Variants in NTNG1 observed in about 807,000 individuals in gnomAD.
NTNG1 encodes the protein netrin-G1.
A neutral mutation model predicts 54.0 loss-of-function variants in NTNG1; 16 were observed. The observed-to-expected ratio is 0.30, with a 90% CI of 0.20 to 0.45. The LOEUF (loss-of-function observed/expected upper bound fraction) is 0.45, where lower values mean the gene tolerates loss of function less well. Ranked by LOEUF, NTNG1 falls within the 20% of genes least tolerant of loss-of-function variation. The pLI is 1.00. For missense variants in NTNG1, 530 were observed against 678.7 expected (o/e 0.78, Z 2.43); for synonymous variants, 255 against 263.1 (o/e 0.97, Z 0.30).
At chr1:107,416,821 CCACTT>C (rs1674237710) in intron 5 of NTNG1, among the ~76,000 whole-genome samples, 1 of 152,106 alleles carries the variant, frequency 6.6e-6, no homozygotes, top group Non-Finnish European at 1.5e-5. Context: ...AACATCACCT[CCACTT>C]AAGACCTATA....
intron 3 of NTNG1, among the ~76,000 whole-genome samples, chr1:107,383,955 TAAC>T (rs2101043263): frequency 6.6e-6 from 1 of 152,360 alleles, no homozygotes; most frequent in African/African-American, 2.4e-5. Context: ...AGTTTTAATT[TAAC>T]AAGCCTTTTG....
chr1:107,272,113 G>A (rs527407126), intron 2 of NTNG1, among the ~76,000 whole-genome samples: 7 of 152,140 alleles, frequency 4.6e-5, no homozygotes, highest in East Asian at 3.9e-4. Context: ...AATATTTATC[G>A]AGCACCTCGT....
At chr1:107,438,786 A>G (rs1176676869) in intron 7 of NTNG1, among the ~76,000 whole-genome samples, 1 of 152,132 alleles carries the variant, frequency 6.6e-6, no homozygotes, top group Non-Finnish European at 1.5e-5. Context: ...TCATTATTGG[A>G]GTATTATAAA....
intron 2 of NTNG1, among the ~76,000 whole-genome samples, chr1:107,246,239 G>A (rs918257220): frequency 6.6e-6 from 1 of 152,138 alleles, no homozygotes; most frequent in Non-Finnish European, 1.5e-5. Context: ...ATTTTTAATA[G>A]AGACGGGGTT....
At chr1:107,228,168 G>T (rs1660813304) in intron 2 of NTNG1, among the ~76,000 whole-genome samples, 1 of 151,992 alleles carries the variant, frequency 6.6e-6, no homozygotes, top group Non-Finnish European at 1.5e-5. Flanking sequence ...TTTTCTAAAG[G>T]CAAAGTTGAA....
chr1:107,191,849 A>C (rs956623063), intron 2 of NTNG1, among the ~76,000 whole-genome samples: 1 of 152,050 alleles, frequency 6.6e-6, no homozygotes, highest in African/African-American at 2.4e-5. Context: ...TATAGTTTGA[A>C]GTCAGGTAGC....
chr1:107,199,983 C>T (rs775845857), intron 2 of NTNG1, among the ~76,000 whole-genome samples: 1 of 151,778 alleles, frequency 6.6e-6, no homozygotes, highest in Non-Finnish European at 1.5e-5. Context: ...CTTTCAGCAC[C>T]AGTTTTTGAT....
intron 2 of NTNG1, among the ~76,000 whole-genome samples, chr1:107,299,109 AG>A (rs1365613302): frequency 6.6e-6 from 1 of 152,198 alleles, no homozygotes; most frequent in East Asian, 1.9e-4. Flanking sequence ...GCAGGGAGAA[AG>A]CAAAAGGAGA....
At chr1:107,474,199 C>T (rs1678165429) in intron 7 of NTNG1, among the ~76,000 whole-genome samples, 1 of 152,144 alleles carries the variant, frequency 6.6e-6, no homozygotes, top group African/African-American at 2.4e-5. Flanking sequence ...TTTCTGTTTA[C>T]TGACATAGGA....
rs544157059 is a variant in NTNG1, at chr1:107,466,388, A to G, written c.1391-14223A>G. Among the ~76,000 whole-genome samples the G allele has an allele frequency of 1.1e-4, 16 of 152,326 alleles. 1 individual carries two copies. The South Asian group carries it at 3.3e-3, about 32-fold the overall frequency. On this transcript the variant is annotated intron_variant, in intron 7 of 7. Transcript: ENST00000370068. ...TCACTCAAAATACTCATATTCATTG[A>G]GTACAGTTTGTTCTCAAGCACTGTT... is the stretch of plus-strand genomic sequence containing the variant.
intron 2 of NTNG1, among the ~76,000 whole-genome samples, chr1:107,189,114 G>A (rs1657693925): frequency 6.6e-6 from 1 of 152,052 alleles, no homozygotes; most frequent in Non-Finnish European, 1.5e-5. Context: ...CACTTTGGGA[G>A]ACCGAGGTGG....
chr1:107,331,132 C>T (rs939900583), intron 3 of NTNG1, among the ~76,000 whole-genome samples: 16 of 151,984 alleles, frequency 1.1e-4, no homozygotes, highest in African/African-American at 2.9e-4. Flanking sequence ...TTTTCTTTAA[C>T]GTCACACATA....
At chr1:107,177,500 A>T (rs1656733018) in intron 2 of NTNG1, among the ~76,000 whole-genome samples, 1 of 151,944 alleles carries the variant, frequency 6.6e-6, no homozygotes, top group Non-Finnish European at 1.5e-5. Context: ...ATGCCCGGCT[A>T]ATTTTTGTAG....
At position 107,460,285 on chromosome 1, in the gene NTNG1, C is replaced by T. The variant is rs140726176; in HGVS notation, c.1391-20326C>T. 5.3e-5 allele frequency: 25 copies of T among 469,374 alleles called. No individual in the cohort carries two copies. In the East Asian group the frequency reaches 1.5e-3, roughly 28 times the overall value. The allele number at this position is 469,374 out of a possible 1,614,324, so 29.1% of individuals were successfully genotyped here. A position where few individuals can be genotyped will look rare whatever the true frequency, so the allele number is the denominator to read the frequency against. On this transcript the variant is annotated intron_variant, in intron 7 of 7. Transcript: ENST00000370068. Reference sequence around the variant, plus strand: ...CTGACAGTTCATCATGAGCGCACTCCCAGGTCTTTAGTAGCCTCATTTACC... The same window carrying T: ...CTGACAGTTCATCATGAGCGCACTCTCAGGTCTTTAGTAGCCTCATTTACC...
intron 2 of NTNG1, among the ~76,000 whole-genome samples, chr1:107,261,184 T>C (rs962348153): frequency 1.3e-5 from 2 of 152,358 alleles, no homozygotes; most frequent in East Asian, 3.9e-4. Flanking sequence ...TGCCAGGTAC[T>C]ATACTAAGTA....
At chr1:107,394,034 A>AAC (rs142695081) in intron 3 of NTNG1, among the ~76,000 whole-genome samples, 1,512 of 149,794 alleles carry the variant, frequency 0.01, 17 homozygotes, top group African/African-American at 0.03. Context: ...CACACACATA[A>AAC]ACACACACAC....
intron 2 of NTNG1, among the ~76,000 whole-genome samples, chr1:107,292,404 A>G (rs947411689): frequency 2.6e-5 from 4 of 152,120 alleles, no homozygotes; most frequent in African/African-American, 9.7e-5. Context: ...CATGAGCACA[A>G]CAGGAGAGGG....
intron 5 of NTNG1, chr1:107,410,364 G>T (rs1158492256): frequency 6.6e-6 from 1 of 152,032 alleles, no homozygotes; most frequent in Admixed American, 6.6e-5. Flanking sequence ...TGGATAGGGT[G>T]GTCATCCTTT....
At chr1:107,320,320 G>T (rs1464885420) in intron 2 of NTNG1, among the ~76,000 whole-genome samples, 1 of 152,114 alleles carries the variant, frequency 6.6e-6, no homozygotes, top group Non-Finnish European at 1.5e-5. Flanking sequence ...AAGGCTGCCT[G>T]CTGGCCACAA....
Sources: gnomAD v4.1 joint callset for allele counts (sites outside exome capture counted in the v4.1 genomes callset) on GRCh38, gnomAD v4.1.1 for gene constraint, MANE v1.5 for transcripts, NCBI Gene and HGNC (gene_info 2026-07-23, HGNC 2026-07-21) for gene names.